Variants in DCLK2 observed in about 807,000 individuals in gnomAD.
DCLK2 encodes doublecortin like kinase 2.
Under a neutral mutation model 78.4 loss-of-function variants are expected in DCLK2, and 31 were observed. That is an observed-to-expected ratio of 0.40 (90% CI 0.30 to 0.53). The LOEUF (loss-of-function observed/expected upper bound fraction) is 0.53. Among genes scored for constraint, DCLK2 ranks in the 20% least tolerant of loss-of-function variants. The pLI is 0.61. For missense variants in DCLK2, 872 were observed against 973.7 expected, an observed-to-expected ratio of 0.90 and a Z score of 1.39; for synonymous variants, 407 against 374.9, an observed-to-expected ratio of 1.09 and a Z score of -0.99.
chr4:150,227,646 G>C (rs1013181869), intron 8 of DCLK2, among the ~76,000 whole-genome samples: 2 of 152,192 alleles, frequency 1.3e-5, no homozygotes, highest in Admixed American at 1.3e-4. Context: ...AGAGGCTTTT[G>C]AGAATGCTAT....
intron 2 of DCLK2, 43 bp downstream of exon 2, chr4:150,102,855 C>T (rs1346467225): frequency 6.6e-7 from 1 of 1,522,748 alleles, no homozygotes; most frequent in Non-Finnish European, 8.8e-7. Flanking sequence ...GACTTTTAAA[C>T]TCCCTGTGCC....
At chr4:150,179,181 C>G (rs1296327761) in intron 2 of DCLK2, among the ~76,000 whole-genome samples, 4 of 152,114 alleles carry the variant, frequency 2.6e-5, no homozygotes, top group African/African-American at 9.7e-5. Flanking sequence ...GCGCCCGCCA[C>G]CATGCCTGGC....
intron 2 of DCLK2, among the ~76,000 whole-genome samples, chr4:150,184,601 CTTTT>C (rs746012032): frequency 2.7e-4 from 12 of 43,966 alleles, no homozygotes; most frequent in East Asian, 1.0e-3. Flanking sequence ...TCTTCTTCTT[CTTTT>C]TTTTTTTTTT....
chr4:150,206,360 A>G (rs927206230), intron 5 of DCLK2, among the ~76,000 whole-genome samples: 1 of 152,118 alleles, frequency 6.6e-6, no homozygotes, highest in African/African-American at 2.4e-5. Context: ...CTCAAGGATT[A>G]CTTATTCACA....
At chr4:150,104,393 C>A (rs1731090928) in intron 2 of DCLK2, among the ~76,000 whole-genome samples, 1 of 8,054 alleles carries the variant, frequency 1.2e-4, no homozygotes, top group South Asian at 1.5e-3. Context: ...ACCACATCTC[C>A]TAAAAAAAAA....
rs530876467 is a variant in DCLK2, at chr4:150,084,572, G to C, written c.421+5124G>C. ...GGTAAGAGGAAAATTTTCATTTAAA[G>C]AATAAATCCTAAAAGGTTGGGGAAG... is the stretch of plus-strand genomic sequence containing the variant. On this transcript the variant is annotated intron_variant, in intron 1 of 15. Transcript: ENST00000296550. 2.8e-3 allele frequency among the ~76,000 whole-genome samples: 421 copies of C among 152,242 alleles called. 3 individuals are homozygous for C. Among genetic ancestry groups the C allele is most frequent in the African/African-American group, 9.6e-3 (398 of 41,540 alleles).
At chr4:150,191,091 C>G (rs971933538) in intron 2 of DCLK2, among the ~76,000 whole-genome samples, 3 of 152,092 alleles carry the variant, frequency 2.0e-5, no homozygotes, top group Admixed American at 2.0e-4. Context: ...TGTCACTGCA[C>G]TCCTGCCTGG....
At chr4:150,195,918 A>G (rs1456575454) in intron 3 of DCLK2, among the ~76,000 whole-genome samples, 1 of 152,142 alleles carries the variant, frequency 6.6e-6, no homozygotes, top group African/African-American at 2.4e-5. Context: ...TGCCTGTCAC[A>G]TAGTAATATG....
chr4:150,140,785 C>A (rs912564594), intron 2 of DCLK2, among the ~76,000 whole-genome samples: 8 of 152,180 alleles, frequency 5.3e-5, no homozygotes, highest in Middle Eastern at 3.4e-3. Flanking sequence ...AGGTTAAAAT[C>A]ATTTGAGAAT....
At chr4:150,189,054 A>C (rs1738182041) in intron 2 of DCLK2, among the ~76,000 whole-genome samples, 1 of 152,188 alleles carries the variant, frequency 6.6e-6, no homozygotes, top group South Asian at 2.1e-4. Context: ...AATGCCAACT[A>C]ATTTAGTACC....
intron 2 of DCLK2, among the ~76,000 whole-genome samples, chr4:150,110,052 A>G (rs1731554283): frequency 6.6e-6 from 1 of 152,154 alleles, no homozygotes; most frequent in Non-Finnish European, 1.5e-5. Context: ...GACCTTAAAT[A>G]TTTTCTCCCT....
chr4:150,173,044 A>G (rs1266727382), intron 2 of DCLK2, among the ~76,000 whole-genome samples: 1 of 152,198 alleles, frequency 6.6e-6, no homozygotes, highest in Non-Finnish European at 1.5e-5. Flanking sequence ...TTAGTAATTT[A>G]GCACTAGTTC....
At chr4:150,144,938 T>C (rs544639267) in intron 2 of DCLK2, among the ~76,000 whole-genome samples, 43 of 152,346 alleles carry the variant, frequency 2.8e-4, no homozygotes, top group South Asian at 6.2e-4. Flanking sequence ...AGAAATTACA[T>C]TGAATCTGTA....
At chr4:150,086,506 A>AT (rs10539678) in intron 1 of DCLK2, among the ~76,000 whole-genome samples, 59 of 147,486 alleles carry the variant, frequency 4.0e-4, no homozygotes, top group South Asian at 3.9e-3. Context: ...GATTCTTTTT[A>AT]TTTTTTTTTT....
intron 1 of DCLK2, among the ~76,000 whole-genome samples, chr4:150,090,790 C>G (rs1001224344): frequency 1.3e-5 from 2 of 152,114 alleles, no homozygotes; most frequent in Non-Finnish European, 2.9e-5. Flanking sequence ...TATCACAGAC[C>G]ATACAACTGG....
rs1237588753 is a variant in DCLK2, at chr4:150,175,174, TTA to T, written c.757-17956_757-17955del. On this transcript the variant is annotated intron_variant, in intron 2 of 15. Coordinates refer to ENST00000296550, the MANE Select transcript of DCLK2 (RefSeq NM_001040260.4). ...ATATATATTTATAATTTATATATAT[TTA>T]TATATATTTATAATTTATCTATATA... is the stretch of plus-strand genomic sequence containing the variant. Among the ~76,000 whole-genome samples the T allele has an allele frequency of 8.0e-4, 105 of 131,710 alleles. 12 individuals are homozygous for T. Among genetic ancestry groups the T allele is most frequent in the Non-Finnish European group, 1.4e-3 (89 of 64,268 alleles). 86.4% of individuals were successfully genotyped at this position (131,710 alleles called of 152,430 possible). A position where few individuals can be genotyped will look rare whatever the true frequency, so the allele number is the denominator to read the frequency against.
intron 1 of DCLK2, among the ~76,000 whole-genome samples, chr4:150,091,729 A>G (rs4835619): frequency 0.45 from 67,970 of 151,724 alleles, 15,734 homozygotes; most frequent in Non-Finnish European, 0.52. Context: ...TTCCACCTAC[A>G]TAAGATTCCA....
Position 150,078,871 on chromosome 4 carries a change from CGCGGCTCCTCG to C in DCLK2, c.-154_-144del. The C allele has an allele frequency of 1.0e-6, 1 of 986,736 alleles. No homozygotes were observed. The highest frequency in any genetic ancestry group is 2.2e-5 in the South Asian group (1 of 46,022). The allele number at this position is 986,736 out of a possible 1,614,324, so 61.1% of individuals were successfully genotyped here. A position where few individuals can be genotyped will look rare whatever the true frequency, so the allele number is the denominator to read the frequency against. ...GAGGGCGCGGGCGGGTCGGCTCCTC[CGCGGCTCCTCG>C]GCCCCACCTGCGCGGAGAGGGCGGG... On this transcript the variant is annotated 5_prime_UTR_variant, in exon 1 of 16. Transcript: ENST00000296550.
intron 2 of DCLK2, among the ~76,000 whole-genome samples, chr4:150,112,032 C>A (rs1239398083): frequency 6.6e-6 from 1 of 151,872 alleles, no homozygotes; most frequent in Non-Finnish European, 1.5e-5. Flanking sequence ...ATAAAAATAG[C>A]GTTGAATTTG....
Sources: gnomAD v4.1 joint callset for allele counts (sites outside exome capture counted in the v4.1 genomes callset) on GRCh38, gnomAD v4.1.1 for gene constraint, MANE v1.5 for transcripts, NCBI Gene and HGNC (gene_info 2026-07-23, HGNC 2026-07-21) for gene names.